Variants in ANKRD6 observed in about 807,000 individuals in gnomAD.
ANKRD6 encodes ankyrin repeat domain-containing protein 6.
Under a neutral mutation model 82.3 loss-of-function variants are expected in ANKRD6, and 56 were observed. The ratio of observed to expected loss-of-function variants is 0.68; its 90% CI spans 0.55 to 0.85. The LOEUF is 0.85. Ranked by LOEUF, ANKRD6 falls within the 40% of genes least tolerant of loss-of-function variation. The pLI, the probability that ANKRD6 is intolerant of heterozygous loss-of-function variation, is 0.00. For synonymous variants in ANKRD6, 347 were observed against 352.1 expected (o/e 0.99, Z 0.16); for missense variants, 852 against 907.6 (o/e 0.94, Z 0.79).
rs1247977207 is a variant in ANKRD6, at chr6:89,629,174, G to A, written c.1548G>A (p.Lys516=). ...CMLKIQNLEQ[K]LSGDSRACRA... ...TAAAGATTCAGAATCTGGAGCAGAA[G>A]CTTTCTGGAGATTCTAGGGCCTGCA... Residue 516 remains lysine (K), a synonymous_variant, in exon 15 of 16, where the codon AAG becomes AAA. Transcript: ENST00000339746. 9 of 1,613,726 alleles carry A rather than the reference G, an allele frequency of 5.6e-6. No individual in the cohort carries two copies. The highest frequency in any genetic ancestry group is 7.6e-6 in the Non-Finnish European group (9 of 1,179,806).
intron 2 of ANKRD6, among the ~76,000 whole-genome samples, chr6:89,573,743 C>A (rs895099096): frequency 3.9e-5 from 6 of 152,200 alleles, no homozygotes; most frequent in Admixed American, 3.9e-4. Flanking sequence ...CTAAGAACTT[C>A]AAACGCAGTG....
intron 1 of ANKRD6, among the ~76,000 whole-genome samples, chr6:89,490,912 TG>T (rs1253720919): frequency 2.0e-5 from 3 of 152,122 alleles, no homozygotes; most frequent in African/African-American, 7.2e-5. Flanking sequence ...GTTTTGCAGA[TG>T]TGATTAAGAT....
At chr6:89,489,434 G>C (rs1582882364) in intron 1 of ANKRD6, among the ~76,000 whole-genome samples, 1 of 152,108 alleles carries the variant, frequency 6.6e-6, no homozygotes, top group African/African-American at 2.4e-5. Context: ...TCTCAAGTAG[G>C]TACAGATCTG....
chr6:89,441,620 C>CTTTTTTTTTTTTTTTTTTT (rs71556522), intron 1 of ANKRD6, among the ~76,000 whole-genome samples: 1 of 80,470 alleles, frequency 1.2e-5, no homozygotes, highest in Non-Finnish European at 2.3e-5. Flanking sequence ...CTTTTCTTTC[C>CTTTTTTTTTTTTTTTTTTT]TTTTTTTTTT....
chr6:89,436,211 C>T (rs957894278), intron 1 of ANKRD6, among the ~76,000 whole-genome samples: 2 of 152,176 alleles, frequency 1.3e-5, no homozygotes, highest in African/African-American at 4.8e-5. Flanking sequence ...TATGTGTGTG[C>T]CTATACTACT....
At chr6:89,540,976 T>C (rs1340497518) in intron 1 of ANKRD6, among the ~76,000 whole-genome samples, 5 of 152,198 alleles carry the variant, frequency 3.3e-5, no homozygotes, top group Admixed American at 6.5e-5. Context: ...TTCTGTTTCA[T>C]TGGCCTGTGT....
intron 1 of ANKRD6, among the ~76,000 whole-genome samples, chr6:89,480,512 CTTATATATTTTGTATATTTT>C (rs991126373): frequency 6.6e-6 from 1 of 150,926 alleles, no homozygotes; most frequent in Non-Finnish European, 1.5e-5. Context: ...TCAAGGGCTA[CTTATATATTTTGTATATTTT>C]TTATATATTT....
chr6:89,483,485 A>T (rs922270396), intron 1 of ANKRD6: 1 of 152,278 alleles, frequency 6.6e-6, no homozygotes, highest in African/African-American at 2.4e-5. Context: ...TCCCACACAA[A>T]GCCCTGGCTC....
intron 1 of ANKRD6, among the ~76,000 whole-genome samples, chr6:89,510,530 T>A (rs964019410): frequency 6.6e-6 from 1 of 152,192 alleles, no homozygotes; most frequent in African/African-American, 2.4e-5. Context: ...TTCAACAGCT[T>A]TATTGATATC....
chr6:89,621,681 A>G (rs1803372761), intron 9 of ANKRD6: 1 of 515,308 alleles, frequency 1.9e-6, no homozygotes, highest in Non-Finnish European at 3.5e-6. Context: ...TATTATCATC[A>G]TAGACTTTAA....
rs117917298 is a variant in ANKRD6 at position 89,624,644 on chromosome 6, A to C, written c.1324A>C (p.Lys442Gln). ...IKAELGSVQD[K>Q]MNTKLGQMEN... ...AGCAGAGCTGGGATCGGTTCAGGAC[A>C]AAATGAATACAAAGCTGGGGCAGAT... is the stretch of plus-strand genomic sequence containing the variant. The change falls in exon 13 of 16, where the codon AAA becomes CAA. Residue 442 changes from lysine (K) to glutamine (Q), a missense_variant. Lys to Gln is a moderately conservative substitution (Grantham distance 53). Coordinates refer to ENST00000339746, the MANE Select transcript of ANKRD6 (RefSeq NM_001242809.2). The C allele has an allele frequency of 4.0e-4, 640 of 1,594,936 alleles. No homozygotes were observed. Among genetic ancestry groups the C allele is most frequent in the Admixed American group, 5.2e-4 (30 of 57,430 alleles).
chr6:89,547,074 C>A (rs1305458585), intron 1 of ANKRD6, among the ~76,000 whole-genome samples: 1 of 152,200 alleles, frequency 6.6e-6, no homozygotes, highest in Non-Finnish European at 1.5e-5. Flanking sequence ...GATCCTCCCA[C>A]CTCGGCCTCC....
chr6:89,557,197 G>C (rs1003661541), intron 1 of ANKRD6, among the ~76,000 whole-genome samples: 7 of 152,048 alleles, frequency 4.6e-5, no homozygotes, highest in Non-Finnish European at 8.8e-5. Context: ...TAGGTGGTTG[G>C]GTGTTTAAAT....
In ANKRD6 at chr6:89,471,444, C is replaced by T. The variant is rs558891018; in HGVS notation, c.-144+38069C>T. On this transcript the variant is annotated intron_variant, in intron 1 of 15. Coordinates refer to ENST00000339746, the MANE Select transcript of ANKRD6 (RefSeq NM_001242809.2). ...AGCACCTGGAAGGTCATTGAAGCCA[C>T]GAGACTGGATGGGACCCCTAGAGAG... Among the ~76,000 whole-genome samples, 7 of 150,946 alleles carry T rather than the reference C, an allele frequency of 4.6e-5. No individual in the cohort carries two copies. In the South Asian group the frequency reaches 1.1e-3, roughly 23 times the overall value.
intron 2 of ANKRD6, among the ~76,000 whole-genome samples, chr6:89,579,679 C>T (rs1162054017): frequency 2.1e-5 from 3 of 142,554 alleles, no homozygotes; most frequent in Admixed American, 7.8e-5. Context: ...ATTGCTTGAA[C>T]CCAGGAGGCG....
chr6:89,583,978 C>T (rs377314633), intron 2 of ANKRD6, among the ~76,000 whole-genome samples: 7 of 152,324 alleles, frequency 4.6e-5, no homozygotes, highest in Admixed American at 3.3e-4. Flanking sequence ...CATATTGCAT[C>T]CTGTTGCCTT....
intron 1 of ANKRD6, among the ~76,000 whole-genome samples, chr6:89,487,430 A>AGTTTAAAGCTTTGG (rs1777505488): frequency 6.6e-6 from 1 of 152,208 alleles, no homozygotes; most frequent in Non-Finnish European, 1.5e-5. Context: ...AACAAACAGC[A>AGTTTAAAGCTTTGG]GTTTAAAGCT....
intron 1 of ANKRD6, among the ~76,000 whole-genome samples, chr6:89,475,203 A>AAT (rs1488306607): frequency 6.6e-6 from 1 of 152,228 alleles, no homozygotes; most frequent in Non-Finnish European, 1.5e-5. Context: ...GAATAGATGC[A>AAT]TGAAAATACA....
intron 1 of ANKRD6, among the ~76,000 whole-genome samples, chr6:89,501,077 G>A (rs991973607): frequency 6.6e-6 from 1 of 151,602 alleles, no homozygotes; most frequent in Non-Finnish European, 1.5e-5. Context: ...TGCACCTGAG[G>A]CCATTTCTTA....
Sources: allele counts gnomAD v4.1 joint callset (sites outside exome capture counted in the v4.1 genomes callset), GRCh38; gene constraint gnomAD v4.1.1; transcripts MANE v1.5; gene names NCBI Gene and HGNC (gene_info 2026-07-23, HGNC 2026-07-21).